The following TNKS variants were observed in gnomAD, a reference collection of about 807,000 sequenced individuals.
TNKS encodes tankyrase.
A neutral mutation model predicts 135.8 loss-of-function variants in TNKS; 72 were observed. The ratio of observed to expected loss-of-function variants is 0.53; its 90% CI spans 0.44 to 0.64. The LOEUF (loss-of-function observed/expected upper bound fraction) is 0.64. Ranked by LOEUF, TNKS falls within the 30% of genes least tolerant of loss-of-function variation. The pLI is 0.00. For missense variants in TNKS, 1,769 were observed against 1,674.0 expected (o/e 1.06, Z -0.99); for synonymous variants, 849 against 649.3 (o/e 1.31, Z -4.68).
Position 9,648,847 on chromosome 8 carries a change from G to A in TNKS, c.995-31104G>A, listed in dbSNP as rs540031167. Among the ~76,000 whole-genome samples the A allele has an allele frequency of 4.6e-5, 7 of 151,992 alleles. No homozygotes were observed. The South Asian group carries it at 1.2e-3, about 27-fold the overall frequency. ...TACCTTAAAAAGAATGTCTCATCTT[G>A]GGGAAAACACCATTGCGATGACAGA... On this transcript the variant is annotated intron_variant, in intron 3 of 26. Transcript: ENST00000310430.
At chr8:9,630,055 A>G (rs1306664855) in intron 3 of TNKS, among the ~76,000 whole-genome samples, 1 of 152,114 alleles carries the variant, frequency 6.6e-6, no homozygotes, top group Non-Finnish European at 1.5e-5. Flanking sequence ...GACCTCTCAA[A>G]TGGGCTAGTA....
Position 9,615,868 on chromosome 8 carries a change from A to C in TNKS, c.994+191A>C, listed in dbSNP as rs377264270. 6.6e-5 allele frequency among the ~76,000 whole-genome samples: 10 copies of C among 152,196 alleles called. No homozygotes were observed. In the East Asian group the frequency reaches 1.5e-3, roughly 23 times the overall value. ...TATGCTGTCGTAAGCATAAGCAGTA[A>C]GATTGTTGGTCTACTTAGAATGATA... On this transcript the variant is annotated intron_variant, in intron 3 of 26. Coordinates refer to ENST00000310430, the MANE Select transcript of TNKS (RefSeq NM_003747.3).
intron 8 of TNKS, 65 bp from the exon 9 acceptor site, chr8:9,708,306 A>G: frequency 7.5e-7 from 1 of 1,331,348 alleles, no homozygotes; most frequent in East Asian, 2.5e-5. Flanking sequence ...CTTATTTATA[A>G]TCATGCTGAA....
intron 24 of TNKS, 90 bp downstream of exon 24, chr8:9,765,887 C>A (rs950086397): frequency 2.8e-6 from 3 of 1,077,522 alleles, no homozygotes; most frequent in African/African-American, 1.6e-5. Flanking sequence ...GACTATAATA[C>A]GGTTGTGTTA....
intron 1 of TNKS, among the ~76,000 whole-genome samples, chr8:9,565,640 A>T (rs13258733): frequency 0.12 from 18,055 of 152,142 alleles, 1,331 homozygotes; most frequent in Admixed American, 0.23. Flanking sequence ...TCACAAGGTC[A>T]GGAGATGGAG....
intron 3 of TNKS, among the ~76,000 whole-genome samples, chr8:9,656,611 C>CT (rs71201960): frequency 0.76 from 103,319 of 136,410 alleles, 39,269 homozygotes; most frequent in Non-Finnish European, 0.81. Flanking sequence ...AAAGAATTTT[C>CT]TTTTTTTTTT....
chr8:9,757,736 A>G (rs1309402483), intron 20 of TNKS, among the ~76,000 whole-genome samples: 3 of 152,198 alleles, frequency 2.0e-5, no homozygotes, highest in African/African-American at 7.2e-5. Flanking sequence ...CCACTCTTTT[A>G]CTATCAGTTA....
chr8:9,771,178 GAA>G (rs1448862151), intron 26 of TNKS, among the ~76,000 whole-genome samples: 3 of 146,120 alleles, frequency 2.1e-5, no homozygotes, highest in African/African-American at 5.1e-5. Flanking sequence ...AGGAGGGAGA[GAA>G]GAGAGGAAGG....
Position 9,743,751 on chromosome 8 carries a change from A to C in TNKS, c.2644-4273A>C, listed in dbSNP as rs35627645. 1.1e-4 allele frequency among the ~76,000 whole-genome samples: 16 copies of C among 152,256 alleles called. No individual in the cohort carries two copies. The East Asian group carries it at 3.1e-3, about 29-fold the overall frequency. ...AAAAAATACATATCCATATCTATAGATGTATAGATATTAAAAATTAGTAAA... is the reference window on the plus strand; with the variant it reads ...AAAAAATACATATCCATATCTATAGCTGTATAGATATTAAAAATTAGTAAA... On this transcript the variant is annotated intron_variant, in intron 17 of 26. Coordinates refer to ENST00000310430, the MANE Select transcript of TNKS (RefSeq NM_003747.3).
chr8:9,637,275 G>C (rs1334661456), intron 3 of TNKS, among the ~76,000 whole-genome samples: 1 of 152,176 alleles, frequency 6.6e-6, no homozygotes, highest in African/African-American at 2.4e-5. Context: ...TTGCCTGTGA[G>C]TATCATGTTG....
At chr8:9,773,581 G>C (rs1808061586) in intron 26 of TNKS, among the ~76,000 whole-genome samples, 1 of 152,038 alleles carries the variant, frequency 6.6e-6, no homozygotes, top group Non-Finnish European at 1.5e-5. Context: ...GAAATAATAA[G>C]GAATACTTAG....
intron 5 of TNKS, among the ~76,000 whole-genome samples, chr8:9,701,158 C>T (rs1436856866): frequency 3.3e-5 from 5 of 151,968 alleles, no homozygotes; most frequent in Non-Finnish European, 1.5e-5. Flanking sequence ...AGGATGGTCT[C>T]GATCTCCTGA....
intron 17 of TNKS, among the ~76,000 whole-genome samples, chr8:9,739,009 C>T (rs904701625): frequency 6.6e-6 from 1 of 151,748 alleles, no homozygotes; most frequent in Non-Finnish European, 1.5e-5. Flanking sequence ...GACTTCATGT[C>T]CAAAACACCA....
intron 25 of TNKS, among the ~76,000 whole-genome samples, chr8:9,766,958 C>T (rs973664300): frequency 2.6e-5 from 4 of 152,150 alleles, no homozygotes; most frequent in East Asian, 1.9e-4. Flanking sequence ...CCTCCAGTCA[C>T]GGGTTATGAT....
At chr8:9,754,324 C>T (rs111558717) in intron 20 of TNKS, among the ~76,000 whole-genome samples, 2,295 of 152,244 alleles carry the variant, frequency 0.015, 33 homozygotes, top group African/African-American at 0.037. Flanking sequence ...CACATCTTCC[C>T]CTATTTTAGA....
chr8:9,636,739 C>A (rs544298886), intron 3 of TNKS, among the ~76,000 whole-genome samples: 1 of 152,136 alleles, frequency 6.6e-6, no homozygotes, highest in East Asian at 1.9e-4. Context: ...CCTAATTGGT[C>A]AAGAGTGCTT....
rs773637020 is a variant in TNKS, at chr8:9,575,121, C to G, written c.674-5038C>G. On this transcript the variant is annotated intron_variant, in intron 1 of 26. Coordinates refer to ENST00000310430, the MANE Select transcript of TNKS (RefSeq NM_003747.3). ...TTTTCTTTTGACACGGAGTCTCGCT[C>G]TGTTGCCCAGGCTGGAGTATAGGGG... The G allele has an allele frequency of 7.1e-4, 683 of 964,026 alleles. 4 individuals are homozygous for G. The highest frequency in any genetic ancestry group is 3.8e-4 in the Non-Finnish European group (305 of 810,592). 59.7% of individuals were successfully genotyped at this position (964,026 alleles called of 1,614,324 possible). A position where few individuals can be genotyped will look rare whatever the true frequency, so the allele number is the denominator to read the frequency against.
At chr8:9,714,867 C>T (rs1261065468) in intron 11 of TNKS, among the ~76,000 whole-genome samples, 1 of 152,086 alleles carries the variant, frequency 6.6e-6, no homozygotes, top group Non-Finnish European at 1.5e-5. Flanking sequence ...ATAAAACCAG[C>T]AGTTGGAAAG....
chr8:9,609,511 C>G (rs1799367414), intron 2 of TNKS, among the ~76,000 whole-genome samples: 1 of 152,146 alleles, frequency 6.6e-6, no homozygotes, highest in South Asian at 2.1e-4. Context: ...TATTGCTCTT[C>G]CCCTGATTCC....
Sources: allele counts gnomAD v4.1 joint callset (sites outside exome capture counted in the v4.1 genomes callset), GRCh38; gene constraint gnomAD v4.1.1; transcripts MANE v1.5; gene names NCBI Gene and HGNC (gene_info 2026-07-23, HGNC 2026-07-21).